The following LTBP1 variants were observed in gnomAD, a reference collection of about 807,000 sequenced individuals.
LTBP1 encodes the protein latent-transforming growth factor beta-binding protein 1.
A neutral mutation model predicts 207.6 loss-of-function variants in LTBP1; 129 were observed. The ratio of observed to expected loss-of-function variants is 0.62; its 90% confidence interval spans 0.54 to 0.72. The LOEUF is 0.72. Ranked by LOEUF, LTBP1 falls within the 30% of genes least tolerant of loss-of-function variation. The pLI, the probability that LTBP1 is intolerant of heterozygous loss-of-function variation, is 0.00. For synonymous variants in LTBP1, 963 were observed against 833.7 expected (o/e 1.16, Z -2.67); for missense variants, 2,281 against 2,217.2 (o/e 1.03, Z -0.58).
Position 33,083,392 on chromosome 2 carries a change from C to T in LTBP1, c.864-27190C>T, listed in dbSNP as rs146137008. Among the ~76,000 whole-genome samples, 270 of 152,136 alleles carry T rather than the reference C, an allele frequency of 1.8e-3. 1 individual carries two copies. Among genetic ancestry groups the T allele is most frequent in the African/African-American group, 6.2e-3 (257 of 41,498 alleles). On this transcript the variant is annotated intron_variant, in intron 3 of 33. Coordinates refer to ENST00000404816, the MANE Select transcript of LTBP1 (RefSeq NM_206943.4). ...TCCACAGGATGGATCTCAGTTGAGGCGGGTCTTAGACATCAAAATTGAGGA... is the reference window on the plus strand; with the variant it reads ...TCCACAGGATGGATCTCAGTTGAGGTGGGTCTTAGACATCAAAATTGAGGA...
intron 2 of LTBP1, among the ~76,000 whole-genome samples, chr2:32,998,198 A>G (rs967524744): frequency 6.6e-6 from 1 of 152,166 alleles, no homozygotes; most frequent in African/African-American, 2.4e-5. Flanking sequence ...TCCCCAAGCC[A>G]TTTTAATGTA....
chr2:33,335,324 A>G (rs1370563398), intron 24 of LTBP1, among the ~76,000 whole-genome samples: 1 of 147,854 alleles, frequency 6.8e-6, no homozygotes, highest in East Asian at 2.0e-4. Context: ...GTGACCATCA[A>G]GGTCCCCGTG....
At chr2:33,276,017 C>T (rs779821795) in intron 18 of LTBP1, 94 bp downstream of exon 18, 23 of 1,422,040 alleles carry the variant, frequency 1.6e-5, no homozygotes, top group Non-Finnish European at 2.0e-5. Context: ...ACACTCAGTG[C>T]GTGACACCAG....
At chr2:33,005,783 CACCATGTT>C (rs1011831395) in intron 2 of LTBP1, among the ~76,000 whole-genome samples, 11 of 152,046 alleles carry the variant, frequency 7.2e-5, no homozygotes, top group African/African-American at 2.7e-4. Flanking sequence ...GATGGAGTTT[CACCATGTT>C]GGGTAGGCTG....
chr2:33,222,568 G>T (rs1231399159), intron 9 of LTBP1, among the ~76,000 whole-genome samples: 1 of 152,196 alleles, frequency 6.6e-6, no homozygotes, highest in African/African-American at 2.4e-5. Flanking sequence ...TCAAAATGTT[G>T]TTGGTCATCT....
chr2:33,369,837 C>T (rs1400695595), intron 31 of LTBP1, among the ~76,000 whole-genome samples: 5 of 152,220 alleles, frequency 3.3e-5, no homozygotes, highest in African/African-American at 7.2e-5. Context: ...AACTTTTCCA[C>T]AGGTCCTATG....
rs58303103 is a variant in LTBP1, at chr2:33,149,228, C to CAAAAAA, written c.1201+14290_1201+14295dup. 7.8e-4 allele frequency among the ~76,000 whole-genome samples: 65 copies of CAAAAAA among 82,808 alleles called. 3 individuals carry two copies. The highest frequency in any genetic ancestry group is 1.7e-3 in the African/African-American group (35 of 21,184). The allele number at this position is 82,808 out of a possible 152,430, so 54.3% of individuals were successfully genotyped here. Reference sequence around the variant, plus strand: ...AGACTCCGTCTCACTCACAAAAAAACAAAAAAAAAAAAAAAAAAAAAAAAA... The same window carrying CAAAAAA: ...AGACTCCGTCTCACTCACAAAAAAACAAAAAAAAAAAAAAAAAAAAAAAAAAAAAAA... On this transcript the variant is annotated intron_variant, in intron 5 of 33. Transcript: ENST00000404816.
At chr2:32,995,494 T>C (rs1685117012) in intron 2 of LTBP1, among the ~76,000 whole-genome samples, 1 of 152,102 alleles carries the variant, frequency 6.6e-6, no homozygotes, top group Non-Finnish European at 1.5e-5. Flanking sequence ...TAAGAACACA[T>C]GATTTGGCCG....
At chr2:33,236,627 T>C (rs992681337) in intron 9 of LTBP1, among the ~76,000 whole-genome samples, 1 of 152,212 alleles carries the variant, frequency 6.6e-6, no homozygotes. Flanking sequence ...CATTAGCACA[T>C]TGTATTTTTC....
At chr2:33,178,522 A>G (rs2086299050) in intron 5 of LTBP1, among the ~76,000 whole-genome samples, 1 of 150,814 alleles carries the variant, frequency 6.6e-6, no homozygotes, top group Admixed American at 6.6e-5. Flanking sequence ...ACCAGCATTA[A>G]AAATTTGTGG....
Position 33,134,965 on chromosome 2 carries a change from G to GT in LTBP1, c.1201+7dup. On this transcript the variant is annotated splice_donor_region_variant and intron_variant, in intron 5 of 33. Transcript: ENST00000404816. The surrounding 1 kb of genome is among the most constrained non-coding windows in gnomAD (Gnocchi z 4.4). ...CGGCCACGAACTTCCGAGTGGGTGAGTTCCTCCACGGTCCCTAACTGTCCT... is the reference window on the plus strand; with the variant it reads ...CGGCCACGAACTTCCGAGTGGGTGAGTTTCCTCCACGGTCCCTAACTGTCCT... 1.9e-6 allele frequency: 3 copies of GT among 1,605,582 alleles called. No homozygotes were observed. The highest frequency in any genetic ancestry group is 2.6e-6 in the Non-Finnish European group (3 of 1,175,912).
At chr2:33,389,392 G>A (rs563134004) in intron 32 of LTBP1, 86 bp downstream of exon 32, 30 of 1,556,148 alleles carry the variant, frequency 1.9e-5, no homozygotes, top group Non-Finnish European at 2.4e-5. Flanking sequence ...CAACTTGTTA[G>A]CAATGCAGCA....
chr2:33,332,725 G>A (rs1439386754), intron 24 of LTBP1, among the ~76,000 whole-genome samples: 4 of 151,868 alleles, frequency 2.6e-5, no homozygotes, highest in Non-Finnish European at 5.9e-5. Flanking sequence ...CCCAGCTAAC[G>A]TTTTTTGTAT....
chr2:33,316,874 T>G lies in LTBP1; in HGVS notation c.3730+1605T>G, dbSNP rs138408257. Among the ~76,000 whole-genome samples the G allele has an allele frequency of 1.3e-3, 192 of 152,284 alleles. 3 individuals are homozygous for G. In the East Asian group the frequency reaches 0.032, roughly 25 times the overall value. On this transcript the variant is annotated intron_variant, in intron 24 of 33. Transcript: ENST00000404816. ...AGCTCTAGAAGGATGCAGGTTTGCT[T>G]CTTTGCTTAGCTCTAAATCATGGAT...
chr2:33,371,343 C>T (rs2095064857), intron 31 of LTBP1, among the ~76,000 whole-genome samples: 1 of 152,188 alleles, frequency 6.6e-6, no homozygotes, highest in South Asian at 2.1e-4. Flanking sequence ...TTCACAGTAC[C>T]CGCTGATCCT....
chr2:33,144,978 A>G (rs1394721257), intron 5 of LTBP1, among the ~76,000 whole-genome samples: 1 of 152,242 alleles, frequency 6.6e-6, no homozygotes, highest in Non-Finnish European at 1.5e-5. Flanking sequence ...AAATAAAATA[A>G]CTACCAAATG....
Position 33,134,501 on chromosome 2 carries a change from T to C in LTBP1, c.1034-292T>C. Reference sequence around the variant, plus strand: ...GTCTGCCCGTGAATAAAGTGCAGCATTGTGGTTAGTAATCCCACTCCAGTG... The same window carrying C: ...GTCTGCCCGTGAATAAAGTGCAGCACTGTGGTTAGTAATCCCACTCCAGTG... On this transcript the variant is annotated intron_variant, in intron 4 of 33. Coordinates refer to ENST00000404816, the MANE Select transcript of LTBP1 (RefSeq NM_206943.4). The surrounding 1 kb of genome is among the most constrained non-coding windows in gnomAD (Gnocchi z 4.4). 1 of 1,352,732 alleles carries C rather than the reference T, an allele frequency of 7.4e-7. No homozygotes were observed. Among genetic ancestry groups the C allele is most frequent in the African/African-American group, 1.4e-5 (1 of 68,978 alleles). 83.8% of individuals were successfully genotyped at this position (1,352,732 alleles called of 1,614,324 possible). A position where few individuals can be genotyped will look rare whatever the true frequency, so the allele number is the denominator to read the frequency against.
chr2:33,378,703 G>A (rs996005099), intron 31 of LTBP1, among the ~76,000 whole-genome samples: 1 of 152,144 alleles, frequency 6.6e-6, no homozygotes, highest in Non-Finnish European at 1.5e-5. Context: ...TTCAACTAAC[G>A]TTTGAATTTC....
At chr2:33,199,162 T>C (rs2149044595) in intron 7 of LTBP1, among the ~76,000 whole-genome samples, 1 of 152,284 alleles carries the variant, frequency 6.6e-6, no homozygotes, top group Non-Finnish European at 1.5e-5. Context: ...ATGTACCCAG[T>C]AGTCATTCAG....
Sources: gnomAD v4.1 joint callset for allele counts (sites outside exome capture counted in the v4.1 genomes callset) on GRCh38, gnomAD v4.1.1 for gene constraint, Gnocchi (gnomAD v3.1) non-coding constraint, MANE v1.5 for transcripts, NCBI Gene and HGNC (gene_info 2026-07-23, HGNC 2026-07-21) for gene names.